Variants in JOSD1 observed in about 807,000 individuals in gnomAD.
JOSD1 encodes josephin-1.
Under a neutral mutation model 24.3 loss-of-function variants are expected in JOSD1, and 11 were observed. The ratio of observed to expected loss-of-function variants is 0.45; its 90% CI spans 0.29 to 0.75. The LOEUF (loss-of-function observed/expected upper bound fraction) is 0.75. Among genes scored for constraint, JOSD1 ranks in the 30% least tolerant of loss-of-function variants. The pLI, the probability that JOSD1 is intolerant of heterozygous loss-of-function variation, is 0.11. For missense variants in JOSD1, 184 were observed against 253.5 expected (o/e 0.73, Z 1.86); for synonymous variants, 106 against 93.8 (o/e 1.13, Z -0.75).
rs145886003 is a variant in JOSD1, at chr22:38,699,919, G to C, written c.69C>G (p.Pro23=). 41 of 1,614,142 alleles carry C rather than the reference G, an allele frequency of 2.5e-5. No individual in the cohort carries two copies. The Middle Eastern group carries it at 9.9e-4, about 39-fold the overall frequency. Residue 23 remains proline, a synonymous_variant, in exon 2 of 5, where the codon CCC becomes CCG. Transcript: ENST00000683374. ...SESLELPQAA[P]PQIYHEKQRR... Reference sequence around the variant, plus strand: ...GCTGTTTCTCATGGTAGATTTGTGGGGGTGCTGCCTGGGGCAGCTCCAATG... The same window carrying C: ...GCTGTTTCTCATGGTAGATTTGTGGCGGTGCTGCCTGGGGCAGCTCCAATG...
intron 2 of JOSD1, among the ~76,000 whole-genome samples, chr22:38,689,947 T>TGTGTGTGTGTGTGTGTGTGTGTGTGTGTG (rs60712690): frequency 1.4e-5 from 2 of 145,696 alleles, no homozygotes; most frequent in Admixed American, 7.0e-5. Flanking sequence ...TGTGTGTGTG[T>TGTGTGTGTGTGTGTGTGTGTGTGTGTGTG]AGTACTTGAA....
intron 2 of JOSD1, among the ~76,000 whole-genome samples, chr22:38,696,066 G>GA (rs1227694138): frequency 6.6e-6 from 1 of 152,028 alleles, no homozygotes; most frequent in Non-Finnish European, 1.5e-5. Context: ...CGGGTGGGGG[G>GA]AAAAATCCTA....
intron 4 of JOSD1, among the ~76,000 whole-genome samples, chr22:38,688,559 A>G (rs1394052069): frequency 6.6e-6 from 1 of 152,118 alleles, no homozygotes; most frequent in Non-Finnish European, 1.5e-5. Flanking sequence ...AATCGCCTCT[A>G]AAGAACTTTT....
intron 2 of JOSD1, among the ~76,000 whole-genome samples, chr22:38,690,577 A>G (rs2092517575): frequency 6.6e-6 from 1 of 151,588 alleles, no homozygotes; most frequent in African/African-American, 2.4e-5. Context: ...TAATTTTTGT[A>G]TTTTTAGTTG....
chr22:38,701,315 C>G (rs546582835), upstream of JOSD1: 2 of 152,404 alleles, frequency 1.3e-5, no homozygotes, highest in Admixed American at 1.3e-4. Flanking sequence ...GGCAGCCAGG[C>G]CAGCGGCTGC....
At chr22:38,696,604 C>T (rs142270357) in intron 2 of JOSD1, among the ~76,000 whole-genome samples, 32 of 152,320 alleles carry the variant, frequency 2.1e-4, no homozygotes, top group African/African-American at 7.5e-4. Flanking sequence ...ACTGATGACA[C>T]TTGCCCAGTT....
rs1222963718 is a variant in JOSD1 at position 38,688,918 on chromosome 22, C to A, written c.509+17G>T. The A allele has an allele frequency of 6.2e-7, 1 of 1,605,010 alleles. No homozygotes were observed. Among genetic ancestry groups the A allele is most frequent in the South Asian group, 1.1e-5 (1 of 90,370 alleles). On this transcript the variant is annotated intron_variant, in intron 4 of 4. Coordinates refer to ENST00000683374, the MANE Select transcript of JOSD1 (RefSeq NM_001360236.2). Reference sequence around the variant, plus strand: ...ATGAAGCAGCCTAGCAACTTAGTCACAAAAGGTGCCGATTACCTGAGCTCG... The same window carrying A: ...ATGAAGCAGCCTAGCAACTTAGTCAAAAAAGGTGCCGATTACCTGAGCTCG...
intron 2 of JOSD1, among the ~76,000 whole-genome samples, chr22:38,692,512 C>T (rs1324013400): frequency 6.6e-6 from 1 of 152,164 alleles, no homozygotes; most frequent in Non-Finnish European, 1.5e-5. Context: ...GGTGCAGTGG[C>T]TCACGCCTGT....
rs182773669 is a variant in JOSD1, at chr22:38,700,940, T to C, written c.-772A>G. On this transcript the variant is annotated 5_prime_UTR_variant, in exon 1 of 5. Transcript: ENST00000683374. The stretch of plus-strand genomic sequence containing the variant: ...GCCACCTGGAGTGCGCGCCGCCAAC[T>C]GGGCCGTGCGGGCGGGCGCGCGCAC... 2 of 984,112 alleles carry C rather than the reference T, an allele frequency of 2.0e-6. No individual in the cohort carries two copies. Among genetic ancestry groups the C allele is most frequent in the East Asian group, 1.1e-4 (1 of 8,740 alleles). The allele number at this position is 984,112 out of a possible 1,614,324, so 61.0% of individuals were successfully genotyped here.
chr22:38,696,511 A>G (rs2092546894), intron 2 of JOSD1, among the ~76,000 whole-genome samples: 1 of 152,104 alleles, frequency 6.6e-6, no homozygotes, highest in African/African-American at 2.4e-5. Flanking sequence ...GAGTGCTGGG[A>G]TTACATGCGT....
chr22:38,696,232 A>G (rs2092545466), intron 2 of JOSD1, among the ~76,000 whole-genome samples: 1 of 150,750 alleles, frequency 6.6e-6, no homozygotes, highest in South Asian at 2.1e-4. Context: ...TTCAAACCTT[A>G]TACCCCCCCT....
intron 2 of JOSD1, among the ~76,000 whole-genome samples, chr22:38,691,005 T>TC (rs975614913): frequency 2.6e-5 from 4 of 152,050 alleles, no homozygotes; most frequent in Admixed American, 2.0e-4. Context: ...CACCACTGCA[T>TC]CCAGCCTGGG....
intron 2 of JOSD1, among the ~76,000 whole-genome samples, chr22:38,692,137 C>A (rs2092525502): frequency 6.6e-6 from 1 of 152,210 alleles, no homozygotes; most frequent in Non-Finnish European, 1.5e-5. Flanking sequence ...TGAAAAATCT[C>A]TGTGCCAAGC....
At position 38,686,297 on chromosome 22, in the gene JOSD1, G is replaced by T. The variant is rs145217941; in HGVS notation, c.*1605C>A. ...GTGTCAACATGCACTCCAGTCACAG[G>T]GGGGAGAAAGCCCAGCTTCACCCCG... is the stretch of plus-strand genomic sequence containing the variant. On this transcript the variant is annotated 3_prime_UTR_variant, in exon 5 of 5. Coordinates refer to ENST00000683374, the MANE Select transcript of JOSD1 (RefSeq NM_001360236.2). 1 of 151,134 alleles carries T rather than the reference G, an allele frequency of 6.6e-6. No homozygotes were observed. The highest frequency in any genetic ancestry group is 1.9e-4 in the East Asian group (1 of 5,178). The allele number at this position is 151,134 out of a possible 1,614,324, so 9.4% of individuals were successfully genotyped here.
In JOSD1 at chr22:38,687,540, T is replaced by C. The variant is rs1050234038; in HGVS notation, c.*362A>G. ...GACAGGATGGAAAGTGGAGGCAGCATCTCTAGGTGAGTCTGGAGCAGCAGT... is the reference window on the plus strand; with the variant it reads ...GACAGGATGGAAAGTGGAGGCAGCACCTCTAGGTGAGTCTGGAGCAGCAGT... On this transcript the variant is annotated 3_prime_UTR_variant, in exon 5 of 5. Coordinates refer to ENST00000683374, the MANE Select transcript of JOSD1 (RefSeq NM_001360236.2). 4 of 221,348 alleles carry C rather than the reference T, an allele frequency of 1.8e-5. No individual in the cohort carries two copies. The highest frequency in any genetic ancestry group is 3.5e-5 in the Non-Finnish European group (4 of 113,036). The allele number at this position is 221,348 out of a possible 1,614,324, so 13.7% of individuals were successfully genotyped here. A position where few individuals can be genotyped will look rare whatever the true frequency, so the allele number is the denominator to read the frequency against.
chr22:38,698,261 C>T (rs1490351221), intron 2 of JOSD1, among the ~76,000 whole-genome samples: 2 of 152,206 alleles, frequency 1.3e-5, no homozygotes, highest in South Asian at 2.1e-4. Context: ...AGAGTCAATT[C>T]TACTTGCTGC....
intron 2 of JOSD1, 111 bp from the exon 3 acceptor site, chr22:38,689,535 C>A: frequency 7.2e-7 from 1 of 1,390,812 alleles, no homozygotes; most frequent in Non-Finnish European, 9.7e-7. Context: ...AAGTTAGTTT[C>A]CCCACATTCA....
chr22:38,688,878 TC>T, intron 4 of JOSD1, 56 bp downstream of exon 4: 1 of 1,479,268 alleles, frequency 6.8e-7, no homozygotes, highest in Non-Finnish European at 9.3e-7. Flanking sequence ...GAGCTCAGTG[TC>T]CCCAACCTAA....
In JOSD1 at chr22:38,687,546, G is replaced by C. The variant is rs1427312464; in HGVS notation, c.*356C>G. ...ATGGAAAGTGGAGGCAGCATCTCTAGGTGAGTCTGGAGCAGCAGTGACAAC... is the reference window on the plus strand; with the variant it reads ...ATGGAAAGTGGAGGCAGCATCTCTACGTGAGTCTGGAGCAGCAGTGACAAC... On this transcript the variant is annotated 3_prime_UTR_variant, in exon 5 of 5. Coordinates refer to ENST00000683374, the MANE Select transcript of JOSD1 (RefSeq NM_001360236.2). The C allele has an allele frequency of 2.1e-5, 5 of 233,176 alleles. No individual in the cohort carries two copies. Among genetic ancestry groups the C allele is most frequent in the African/African-American group, 9.1e-5 (4 of 43,974 alleles). The allele number at this position is 233,176 out of a possible 1,614,324, so 14.4% of individuals were successfully genotyped here.
Sources: allele counts gnomAD v4.1 joint callset (sites outside exome capture counted in the v4.1 genomes callset), GRCh38; gene constraint gnomAD v4.1.1; transcripts MANE v1.5; gene names NCBI Gene and HGNC (gene_info 2026-07-23, HGNC 2026-07-21).